ZFYVE21: variants seen among roughly 807,000 people sequenced by gnomAD.
The protein encoded by ZFYVE21 is zinc finger FYVE-type containing 21, also known as zinc finger FYVE domain-containing protein 21.
A neutral mutation model predicts 29.5 loss-of-function variants in ZFYVE21; 21 were observed. That is an observed-to-expected ratio of 0.71 (90% CI 0.50 to 1.02). The LOEUF (loss-of-function observed/expected upper bound fraction) is 1.02, where lower values mean the gene tolerates loss of function less well. Among genes scored for constraint, ZFYVE21 ranks in the 50% least tolerant of loss-of-function variants. The probability of loss-of-function intolerance (pLI) is 0.00; values close to 1 mark genes in which losing one functional copy is unlikely to be tolerated. For synonymous variants in ZFYVE21, 151 were observed against 133.8 expected (o/e 1.13, Z -0.89); for missense variants, 326 against 335.4 (o/e 0.97, Z 0.22).
rs760876955 is a variant in ZFYVE21 at position 103,715,815 on chromosome 14, C to A, written c.-27C>A. On this transcript the variant is annotated 5_prime_UTR_variant, in exon 1 of 7. Coordinates refer to ENST00000311141, the MANE Select transcript of ZFYVE21 (RefSeq NM_024071.4). ...CTGGGCGAGGGGCCGGGTGCGGGGC[C>A]GCTGGCCGAGAGGCTGAGGCGGCGT... The A allele has an allele frequency of 3.0e-6, 4 of 1,336,764 alleles. No homozygotes were observed. In the South Asian group the frequency reaches 5.0e-5, roughly 17 times the overall value. 82.8% of individuals were successfully genotyped at this position (1,336,764 alleles called of 1,614,324 possible).
At position 103,727,839 on chromosome 14, in the gene ZFYVE21, CAGTGCGCGG is replaced by C. The variant is rs1241577837; in HGVS notation, c.291_299del (p.Glu98_Ala100del). 1 of 1,613,206 alleles carries C rather than the reference CAGTGCGCGG, an allele frequency of 6.2e-7. No homozygotes were observed. Among genetic ancestry groups the C allele is most frequent in the Non-Finnish European group, 8.5e-7 (1 of 1,179,916 alleles). ...CATGTGCTTTGTGGACCCCGTGCGG[CAGTGCGCGG>C]AGTGCGCCCTCGTGTCCCTCAAGGA... On this transcript the variant is annotated inframe_deletion, in exon 3 of 7. Transcript: ENST00000311141.
Position 103,729,173 on chromosome 14 carries a change from C to A in ZFYVE21, c.517C>A (p.Pro173Thr), listed in dbSNP as rs1306422255. The A allele has an allele frequency of 6.2e-7, 1 of 1,613,938 alleles. No individual in the cohort carries two copies. The highest frequency in any genetic ancestry group is 8.5e-7 in the Non-Finnish European group (1 of 1,180,006). The change falls in exon 5 of 7, where the codon CCT becomes ACT. Residue 173 changes from proline to threonine, a missense_variant. Transcript: ENST00000311141. ...CGTGCAGATCCTCACAGAAGGCTTC[C>A]CTCCTGGAGGTAAATGCCAGCACGT... ...STVQILTEGF[P>T]PGGGNARATG... is the part of the protein sequence containing the mutation.
At chr14:103,722,136 A>G (rs549309534) in intron 1 of ZFYVE21, among the ~76,000 whole-genome samples, 1 of 152,162 alleles carries the variant, frequency 6.6e-6, no homozygotes, top group Non-Finnish European at 1.5e-5. Flanking sequence ...CGGGGTAGGT[A>G]TTTGGCAGTA....
At chr14:103,730,103 A>T (rs2083960928) in intron 5 of ZFYVE21, 1 of 517,640 alleles carries the variant, frequency 1.9e-6, no homozygotes. Flanking sequence ...GCTCTCTGTC[A>T]GTACCTGCCA....
At chr14:103,722,046 G>C (rs1045376239) in intron 1 of ZFYVE21, among the ~76,000 whole-genome samples, 5 of 152,242 alleles carry the variant, frequency 3.3e-5, no homozygotes, top group African/African-American at 1.2e-4. Context: ...GCGGGGTCCA[G>C]TTAAAGGAGG....
chr14:103,731,919 C>G (rs779645010), intron 5 of ZFYVE21: 2 of 152,240 alleles, frequency 1.3e-5, no homozygotes, highest in African/African-American at 2.4e-5. Flanking sequence ...ATTGTTGGAG[C>G]GAGTGCTGGA....
rs1362058415 is a variant in ZFYVE21 at position 103,727,912 on chromosome 14, G to A, written c.356G>A (p.Ser119Asn). The A allele has an allele frequency of 6.8e-6, 11 of 1,611,348 alleles. No homozygotes were observed. The highest frequency in any genetic ancestry group is 9.3e-6 in the Non-Finnish European group (11 of 1,178,640). ...FYDKQLKVLLSGATFLVTFGN... is the reference protein window; with the variant it reads ...FYDKQLKVLLNGATFLVTFGN... The stretch of plus-strand genomic sequence containing the variant: ...GACAAGCAGCTCAAAGTGCTCCTGA[G>A]CGGTAAGGACGGGTGTCCTGCACAG... Residue 119 changes from serine to asparagine, a missense_variant and splice_region_variant, in exon 3 of 7, where the codon AGC (serine) becomes AAC (asparagine). Coordinates refer to ENST00000311141, the MANE Select transcript of ZFYVE21 (RefSeq NM_024071.4).
intron 1 of ZFYVE21, among the ~76,000 whole-genome samples, chr14:103,718,920 G>A (rs1458497282): frequency 1.3e-5 from 2 of 152,226 alleles, no homozygotes; most frequent in African/African-American, 4.8e-5. Context: ...CTGAAGTGAG[G>A]ACTGTTGCTA....
rs769234143 is a variant in ZFYVE21, at chr14:103,727,839, C to T, written c.283C>T (p.Gln95Ter). Residue 95 changes from glutamine to a stop codon, truncating the protein, a stop_gained, in exon 3 of 7, where the codon CAG becomes TAG. Coordinates refer to ENST00000311141, the MANE Select transcript of ZFYVE21 (RefSeq NM_024071.4). LOFTEE classifies it high-confidence loss of function. ...RRMCFVDPVR[Q>*]CAECALVSLK... ...CATGTGCTTTGTGGACCCCGTGCGG[C>T]AGTGCGCGGAGTGCGCCCTCGTGTC... 4.3e-6 allele frequency: 7 copies of T among 1,613,206 alleles called. No individual in the cohort carries two copies.
At chr14:103,727,725 A>T in intron 2 of ZFYVE21, 21 bp from the exon 3 acceptor site, 1 of 1,599,586 alleles carries the variant, frequency 6.3e-7, no homozygotes, top group Non-Finnish European at 8.5e-7. Context: ...CCTCACTGCC[A>T]ATCCTCCCGC....
chr14:103,732,851 C>A (rs2083997767), intron 6 of ZFYVE21, 89 bp downstream of exon 6: 8 of 1,597,606 alleles, frequency 5.0e-6, no homozygotes, highest in Non-Finnish European at 6.8e-6. Flanking sequence ...CTGCCATTTG[C>A]CCCCTATCCC....
intron 6 of ZFYVE21, 69 bp downstream of exon 6, chr14:103,732,831 GCT>G (rs1319782250): frequency 2.1e-5 from 34 of 1,600,838 alleles, no homozygotes; most frequent in Middle Eastern, 1.8e-4. Flanking sequence ...CCCAGAGGAA[GCT>G]CTGTGTCCTG....
rs1257286074 is a variant in ZFYVE21 at position 103,728,961 on chromosome 14, TGTC to T, written c.416_418del (p.Arg139del). On this transcript the variant is annotated inframe_deletion, in exon 4 of 7. Coordinates refer to ENST00000311141, the MANE Select transcript of ZFYVE21 (RefSeq NM_024071.4). ...CTCAGAGAAACCTGAAACTATGACTTGTCGTCTTTCCAATAACCAGAGGTAAGA... is the reference window on the plus strand; with the variant it reads ...CTCAGAGAAACCTGAAACTATGACTTGTCTTTCCAATAACCAGAGGTAAGA... 11 of 1,614,016 alleles carry T rather than the reference TGTC, an allele frequency of 6.8e-6. No homozygotes were observed. Among genetic ancestry groups the T allele is most frequent in the Non-Finnish European group, 9.3e-6 (11 of 1,180,002 alleles).
intron 1 of ZFYVE21, among the ~76,000 whole-genome samples, chr14:103,723,701 C>T (rs1595689756): frequency 2.0e-5 from 3 of 152,188 alleles, no homozygotes; most frequent in South Asian, 4.1e-4. Context: ...TGAGGGTACA[C>T]GTGGCTGTGG....
chr14:103,722,767 C>T (rs1378043697), intron 1 of ZFYVE21, among the ~76,000 whole-genome samples: 5 of 151,522 alleles, frequency 3.3e-5, no homozygotes, highest in East Asian at 3.9e-4. Flanking sequence ...TGCAGTGAGC[C>T]GAGATTGTGC....
At chr14:103,729,861 C>T in intron 5 of ZFYVE21, 1 of 1,536,066 alleles carries the variant, frequency 6.5e-7, no homozygotes, top group Non-Finnish European at 8.7e-7. Flanking sequence ...GCCTCTTCCT[C>T]CTCACCGGGG....
At chr14:103,732,332 G>A (rs144595142) in intron 5 of ZFYVE21, 3 of 303,404 alleles carry the variant, frequency 9.9e-6, no homozygotes, top group Non-Finnish European at 1.8e-5. Context: ...TCAATTAGCC[G>A]AGAGCAAGGC....
chr14:103,724,355 C>T (rs778936682), intron 1 of ZFYVE21, among the ~76,000 whole-genome samples: 1 of 152,234 alleles, frequency 6.6e-6, no homozygotes, highest in Non-Finnish European at 1.5e-5. Context: ...GGGGCCGAGC[C>T]CTGTCAGCTG....
At position 103,727,778 on chromosome 14, in the gene ZFYVE21, C is replaced by T. The variant is rs1331867598; in HGVS notation, c.222C>T (p.Cys74=). The change falls in exon 3 of 7, where the codon TGC becomes TGT. Residue 74 remains cysteine (C), a synonymous_variant. Transcript: ENST00000311141. ...GTCGCCGCTGCGGGAAGTGCTTCTGCGACAGGTGCTGCAGCCAGAAGGTGC... is the reference window on the plus strand; with the variant it reads ...GTCGCCGCTGCGGGAAGTGCTTCTGTGACAGGTGCTGCAGCCAGAAGGTGC... ...HHCRRCGKCF[C]DRCCSQKVPL... is the part of the protein sequence containing the mutation. 2.5e-6 allele frequency: 4 copies of T among 1,611,186 alleles called. No individual in the cohort carries two copies. Among genetic ancestry groups the T allele is most frequent in the Non-Finnish European group, 3.4e-6 (4 of 1,179,836 alleles).
Sources: gnomAD v4.1 joint callset for allele counts (sites outside exome capture counted in the v4.1 genomes callset) on GRCh38, gnomAD v4.1.1 for gene constraint, MANE v1.5 for transcripts, NCBI Gene and HGNC (gene_info 2026-07-23, HGNC 2026-07-21) for gene names.